The following TAFA1 variants were observed in gnomAD, a reference collection of about 807,000 sequenced individuals.
TAFA1 encodes the protein chemokine-like protein TAFA-1.
In TAFA1, 4 loss-of-function variants were observed where a neutral mutation model predicts 18.5. That is an observed-to-expected ratio of 0.22 (90% CI 0.11 to 0.49). TAFA1 has a LOEUF of 0.49. Ranked by LOEUF, TAFA1 falls within the 20% of genes least tolerant of loss-of-function variation. TAFA1 has a pLI of 0.98. For synonymous variants in TAFA1, 56 were observed against 55.2 expected, an observed-to-expected ratio of 1.01 and a Z score of -0.06; for missense variants, 147 against 169.0, an observed-to-expected ratio of 0.87 and a Z score of 0.72.
At chr3:68,280,309 C>T (rs1368994992) in intron 2 of TAFA1, among the ~76,000 whole-genome samples, 1 of 152,202 alleles carries the variant, frequency 6.6e-6, no homozygotes, top group African/African-American at 2.4e-5. Context: ...CACCACAACT[C>T]ATTCTTTCAA....
intron 3 of TAFA1, among the ~76,000 whole-genome samples, chr3:68,432,084 G>A (rs757712663): frequency 2.2e-4 from 34 of 151,928 alleles, no homozygotes; most frequent in Non-Finnish European, 2.9e-4. Context: ...ACCAGGGCCG[G>A]ATGGTGGTGC....
At chr3:68,435,179 G>A (rs766755573) in intron 3 of TAFA1, among the ~76,000 whole-genome samples, 21 of 152,078 alleles carry the variant, frequency 1.4e-4, no homozygotes, top group Admixed American at 6.6e-5. Context: ...AAGTGACTAG[G>A]TAAGAGGATG....
chr3:68,232,893 T>G (rs908271540), intron 2 of TAFA1, among the ~76,000 whole-genome samples: 5 of 152,184 alleles, frequency 3.3e-5, no homozygotes, highest in Admixed American at 2.6e-4. Context: ...CATAAGCCAC[T>G]GCACCTGGCC....
chr3:68,333,701 G>T (rs1264921251), intron 2 of TAFA1, among the ~76,000 whole-genome samples: 1 of 152,068 alleles, frequency 6.6e-6, no homozygotes, highest in Non-Finnish European at 1.5e-5. Context: ...AACGAAATCA[G>T]TGAGTGAAAG....
At chr3:68,430,606 A>G (rs1020143231) in intron 3 of TAFA1, among the ~76,000 whole-genome samples, 4 of 151,950 alleles carry the variant, frequency 2.6e-5, no homozygotes, top group South Asian at 4.1e-4. Flanking sequence ...AGAGACAAAC[A>G]TCTCCTATGA....
chr3:68,389,303 C>T (rs1312020357), intron 2 of TAFA1, among the ~76,000 whole-genome samples: 3 of 152,150 alleles, frequency 2.0e-5, no homozygotes, highest in Non-Finnish European at 4.4e-5. Flanking sequence ...TGGCCATACA[C>T]AAAAAGCTTT....
chr3:68,527,393 C>T (rs2073124500), intron 3 of TAFA1, among the ~76,000 whole-genome samples: 1 of 152,146 alleles, frequency 6.6e-6, no homozygotes, highest in South Asian at 2.1e-4. Context: ...AATAAGACAG[C>T]TTAGAGTAGC....
intron 3 of TAFA1, among the ~76,000 whole-genome samples, chr3:68,489,059 G>A (rs2072403909): frequency 1.3e-5 from 2 of 152,160 alleles, no homozygotes; most frequent in Admixed American, 1.3e-4. Context: ...TAAGAAAACT[G>A]AGACTAAGAA....
intron 2 of TAFA1, among the ~76,000 whole-genome samples, chr3:68,127,750 G>A (rs1301306691): frequency 2.9e-5 from 4 of 138,266 alleles, no homozygotes; most frequent in African/African-American, 1.1e-4. Context: ...GATGATGGTA[G>A]CGGTGGTGAT....
chr3:68,383,746 A>G (rs1321431925), intron 2 of TAFA1, among the ~76,000 whole-genome samples: 1 of 152,114 alleles, frequency 6.6e-6, no homozygotes, highest in Non-Finnish European at 1.5e-5. Flanking sequence ...TAGTTTCATC[A>G]GGAATGGTAT....
intron 2 of TAFA1, among the ~76,000 whole-genome samples, chr3:68,116,031 C>A (rs528428624): frequency 2.8e-4 from 42 of 152,116 alleles, no homozygotes; most frequent in Non-Finnish European, 5.9e-4. Context: ...CCGAGGTGGG[C>A]GGATCACGAG....
intron 2 of TAFA1, among the ~76,000 whole-genome samples, chr3:68,341,206 T>C (rs1478401393): frequency 6.6e-6 from 1 of 152,102 alleles, no homozygotes; most frequent in Non-Finnish European, 1.5e-5. Context: ...CATTCCAGTA[T>C]TGGAGTTTTT....
intron 2 of TAFA1, among the ~76,000 whole-genome samples, chr3:68,041,495 T>C (rs909649399): frequency 6.6e-6 from 1 of 152,304 alleles, no homozygotes; most frequent in African/African-American, 2.4e-5. Flanking sequence ...TTCTCCCATT[T>C]TCCTGATAGG....
intron 3 of TAFA1, among the ~76,000 whole-genome samples, chr3:68,455,509 C>T (rs1454814762): frequency 6.6e-6 from 1 of 152,130 alleles, no homozygotes; most frequent in African/African-American, 2.4e-5. Flanking sequence ...AATTTGTTTT[C>T]TGACACTGCT....
intron 2 of TAFA1, among the ~76,000 whole-genome samples, chr3:68,210,304 G>A (rs2066579839): frequency 6.6e-6 from 1 of 151,924 alleles, no homozygotes; most frequent in South Asian, 2.1e-4. Context: ...AATGAAAGTT[G>A]GCCCTACAGA....
chr3:68,537,503 TAGC>T (rs1450710753), intron 3 of TAFA1, among the ~76,000 whole-genome samples: 1 of 152,166 alleles, frequency 6.6e-6, no homozygotes. Context: ...GTCTCACAGG[TAGC>T]AGCCCTCAGA....
chr3:68,207,165 A>G (rs991994211), intron 2 of TAFA1, among the ~76,000 whole-genome samples: 15 of 151,912 alleles, frequency 9.9e-5, no homozygotes, highest in African/African-American at 3.6e-4. Context: ...TATATTAGCA[A>G]AAAATGGAGA....
At chr3:68,038,472 T>C (rs1705098310) in intron 2 of TAFA1, among the ~76,000 whole-genome samples, 1 of 152,148 alleles carries the variant, frequency 6.6e-6, no homozygotes, top group East Asian at 1.9e-4. Context: ...TGTCTGAGGC[T>C]AGAAGCCACG....
chr3:68,051,845 C>T (rs2106704330), intron 2 of TAFA1, among the ~76,000 whole-genome samples: 1 of 152,048 alleles, frequency 6.6e-6, no homozygotes, highest in South Asian at 2.1e-4. Context: ...AGCTAGCTGA[C>T]AAAACTACAT....
Sources: allele counts gnomAD v4.1 joint callset (sites outside exome capture counted in the v4.1 genomes callset), GRCh38; gene constraint gnomAD v4.1.1; transcripts MANE v1.5; gene names NCBI Gene and HGNC (gene_info 2026-07-23, HGNC 2026-07-21).